The following PLD1 variants were observed in gnomAD, a reference collection of about 807,000 sequenced individuals.
The protein encoded by PLD1 is phospholipase D1, also known as choline phosphatase 1.
PLD1 carries 112 observed loss-of-function variants against 137.1 expected under a neutral mutation model. That is an observed-to-expected ratio of 0.82 (90% CI 0.70 to 0.96). The LOEUF (loss-of-function observed/expected upper bound fraction) is 0.96. Among genes scored for constraint, PLD1 ranks in the 40% least tolerant of loss-of-function variants. PLD1 has a pLI of 0.00. For synonymous variants in PLD1, 431 were observed against 454.7 expected, an observed-to-expected ratio of 0.95 and a Z score of 0.66; for missense variants, 1,321 against 1,342.0, an observed-to-expected ratio of 0.98 and a Z score of 0.24.
In PLD1 at chr3:171,692,404, C is replaced by T; in HGVS notation, c.1266G>A (p.Glu422=). ...TATTGATGCCAAGAGCGAGTTCCAC[C>T]TCTTTGTAGAGCATTATGAAGATCC... The part of the protein sequence containing the change: ...GVRIFIMLYK[E]VELALGINSE... The change falls in exon 13 of 27, where the codon GAG becomes GAA. Residue 422 remains glutamate (E), a synonymous_variant. Transcript: ENST00000351298. 1 of 1,604,246 alleles carries T rather than the reference C, an allele frequency of 6.2e-7. No individual in the cohort carries two copies. The highest frequency in any genetic ancestry group is 1.3e-5 in the African/African-American group (1 of 74,846).
At chr3:171,639,340 TAA>T (rs1248636213) in intron 23 of PLD1, among the ~76,000 whole-genome samples, 4 of 134,120 alleles carry the variant, frequency 3.0e-5, no homozygotes, top group Admixed American at 1.6e-4. Context: ...TTCATATAAA[TAA>T]AAGATATATA....
intron 19 of PLD1, among the ~76,000 whole-genome samples, chr3:171,667,091 A>G (rs1171853190): frequency 2.0e-5 from 3 of 152,220 alleles, no homozygotes. Flanking sequence ...AATTCAGCAC[A>G]TATATGAATT....
chr3:171,735,851 T>C lies in PLD1; in HGVS notation c.289-214A>G, dbSNP rs145755128. ...TTGATGAATTACATAAGACAAACTT[T>C]CAATCACACGAGACGATTCCTACAA... On this transcript the variant is annotated intron_variant, in intron 3 of 26. Transcript: ENST00000351298. 3.3e-5 allele frequency among the ~76,000 whole-genome samples: 5 copies of C among 152,278 alleles called. No homozygotes were observed. The East Asian group carries it at 9.7e-4, about 29-fold the overall frequency.
At position 171,662,730 on chromosome 3, in the gene PLD1, G is replaced by A. The variant is rs146234013; in HGVS notation, c.2230-560C>T. On this transcript the variant is annotated intron_variant, in intron 19 of 26. Coordinates refer to ENST00000351298, the MANE Select transcript of PLD1 (RefSeq NM_002662.5). ...TGTTCAGATTAATACATTCTAAAAG[G>A]TAGGTCATTTGGCATGTGATCTTCA... Among the ~76,000 whole-genome samples, 124 of 152,244 alleles carry A rather than the reference G, an allele frequency of 8.1e-4. 2 individuals are homozygous for A. In the East Asian group the frequency reaches 0.019, roughly 23 times the overall value.
intron 1 of PLD1, among the ~76,000 whole-genome samples, chr3:171,805,688 T>A (rs1346565072): frequency 6.6e-6 from 1 of 152,214 alleles, no homozygotes; most frequent in Admixed American, 6.5e-5. Context: ...TGCAATTATG[T>A]CAAAGAACAA....
chr3:171,690,687 G>A (rs1006166178), intron 13 of PLD1, among the ~76,000 whole-genome samples: 1 of 152,024 alleles, frequency 6.6e-6, no homozygotes, highest in African/African-American at 2.4e-5. Context: ...ACATTATCTT[G>A]TGGTCAGACA....
chr3:171,612,559 G>T lies in PLD1; in HGVS notation c.2729-127C>A. The T allele has an allele frequency of 1.2e-6, 1 of 857,030 alleles. No homozygotes were observed. The highest frequency in any genetic ancestry group is 1.9e-6 in the Non-Finnish European group (1 of 536,410). 53.1% of individuals were successfully genotyped at this position (857,030 alleles called of 1,614,324 possible). ...TGTCCAGGTTTTCAAGGGAAGATGT[G>T]TTTTTAGGGAGGTGGGGCCCTCCCT... On this transcript the variant is annotated intron_variant, in intron 24 of 26. Transcript: ENST00000351298. This position sits in a 1 kb window ranked among gnomAD's most constrained non-coding sequence, Gnocchi z 4.1.
chr3:171,605,320 T>G lies in PLD1; in HGVS notation c.2979A>C (p.Arg993=), dbSNP rs769348124. Reference sequence around the variant, plus strand: ...TCACCTTGTCATAAATTGTAGCATTTCGAGCTGCTGTTGAAACCCACACCT... The same window carrying G: ...TCACCTTGTCATAAATTGTAGCATTGCGAGCTGCTGTTGAAACCCACACCT... ...FKEVWVSTAA[R]NATIYDKVFR... The change falls in exon 26 of 27, where the codon CGA becomes CGC. Residue 993 remains arginine, a synonymous_variant. Coordinates refer to ENST00000351298, the MANE Select transcript of PLD1 (RefSeq NM_002662.5). 6.2e-7 allele frequency: 1 copy of G among 1,607,178 alleles called. No individual in the cohort carries two copies. Among genetic ancestry groups the G allele is most frequent in the South Asian group, 1.1e-5 (1 of 90,946 alleles).
At chr3:171,799,239 T>G (rs1203940688) in intron 1 of PLD1, among the ~76,000 whole-genome samples, 1 of 146,138 alleles carries the variant, frequency 6.8e-6, no homozygotes, top group African/African-American at 2.6e-5. Flanking sequence ...CTCAGGAGGC[T>G]AAGGCAGGAG....
chr3:171,680,242 C>CTTTTTTTTTTTTTTTTTTTTTTTTTTTTT (rs571538714), intron 16 of PLD1, among the ~76,000 whole-genome samples: 1 of 102,928 alleles, frequency 9.7e-6, no homozygotes, highest in Non-Finnish European at 1.9e-5. Flanking sequence ...TTTTCTTCCT[C>CTTTTTTTTTTTTTTTTTTTTTTTTTTTTT]TTTTTTTTTT....
At chr3:171,641,895 T>C (rs1735782053) in intron 23 of PLD1, among the ~76,000 whole-genome samples, 1 of 152,220 alleles carries the variant, frequency 6.6e-6, no homozygotes, top group Admixed American at 6.5e-5. Flanking sequence ...TCTTGCCTTC[T>C]GGATAAAACC....
chr3:171,702,526 G>A (rs1178985834), intron 11 of PLD1, among the ~76,000 whole-genome samples: 6 of 150,636 alleles, frequency 4.0e-5, no homozygotes, highest in African/African-American at 1.5e-4. Flanking sequence ...AATCACTATA[G>A]GGCCTAGAGG....
chr3:171,806,794 T>C (rs771121149), intron 1 of PLD1, among the ~76,000 whole-genome samples: 1 of 152,228 alleles, frequency 6.6e-6, no homozygotes, highest in Non-Finnish European at 1.5e-5. Flanking sequence ...ACACTGACAA[T>C]TGTTATTTTT....
At chr3:171,774,777 C>T (rs889507189) in intron 1 of PLD1, among the ~76,000 whole-genome samples, 54 of 152,226 alleles carry the variant, frequency 3.5e-4, no homozygotes, top group Non-Finnish European at 1.3e-4. Flanking sequence ...ATGCCATTCA[C>T]AGAGTTAGGG....
intron 1 of PLD1, chr3:171,809,671 T>C (rs937603783): frequency 1.3e-5 from 2 of 152,334 alleles, no homozygotes; most frequent in African/African-American, 4.8e-5. Context: ...GTGGCGGTAG[T>C]TCAGGACTGA....
At chr3:171,621,582 A>G (rs1376197233) in intron 23 of PLD1, among the ~76,000 whole-genome samples, 1 of 152,206 alleles carries the variant, frequency 6.6e-6, no homozygotes, top group Admixed American at 6.5e-5. Context: ...AAATTCATTC[A>G]TAGGTTATGT....
chr3:171,666,287 T>A (rs912961002), intron 19 of PLD1: 1 of 152,564 alleles, frequency 6.6e-6, no homozygotes, highest in Non-Finnish European at 1.5e-5. Context: ...GGCCTCACAA[T>A]CATGGCAGAA....
At chr3:171,686,098 T>G (rs1714527999) in intron 16 of PLD1, among the ~76,000 whole-genome samples, 1 of 138,246 alleles carries the variant, frequency 7.2e-6, no homozygotes, top group Admixed American at 7.8e-5. Flanking sequence ...CACTGCAGCC[T>G]GGGTGACAGA....
At chr3:171,801,559 G>A (rs1203674429) in intron 1 of PLD1, among the ~76,000 whole-genome samples, 1 of 152,186 alleles carries the variant, frequency 6.6e-6, no homozygotes, top group African/African-American at 2.4e-5. Flanking sequence ...CTCCCAAGTA[G>A]CTAGGATTAC....
Sources: allele counts gnomAD v4.1 joint callset (sites outside exome capture counted in the v4.1 genomes callset), GRCh38; gene constraint gnomAD v4.1.1; non-coding constraint Gnocchi (gnomAD v3.1); transcripts MANE v1.5; gene names NCBI Gene and HGNC (gene_info 2026-07-23, HGNC 2026-07-21).